Variants in CTTNBP2NL observed in about 807,000 individuals in gnomAD.
CTTNBP2NL encodes the protein CTTNBP2 N-terminal like.
A neutral mutation model predicts 32.5 loss-of-function variants in CTTNBP2NL; 16 were observed. That is an observed-to-expected ratio of 0.49 (90% confidence interval 0.33 to 0.75). The LOEUF (loss-of-function observed/expected upper bound fraction) is 0.75. Ranked by LOEUF, CTTNBP2NL falls within the 30% of genes least tolerant of loss-of-function variation. CTTNBP2NL has a pLI of 0.02. For missense variants in CTTNBP2NL, 645 were observed against 756.0 expected, an observed-to-expected ratio of 0.85 and a Z score of 1.72; for synonymous variants, 298 against 289.4, an observed-to-expected ratio of 1.03 and a Z score of -0.30.
intron 3 of CTTNBP2NL, among the ~76,000 whole-genome samples, chr1:112,428,695 A>G (rs1649474625): frequency 6.6e-6 from 1 of 152,158 alleles, no homozygotes; most frequent in Non-Finnish European, 1.5e-5. Context: ...ACTAAAACCA[A>G]AATTTCACTA....
At chr1:112,391,567 C>CT (rs1343247726), upstream of CTTNBP2NL, among the ~76,000 whole-genome samples, 2 of 152,282 alleles carry the variant, frequency 1.3e-5, no homozygotes, top group East Asian at 3.9e-4. Flanking sequence ...ACCACCTGGT[C>CT]TTGTAGACAG....
intron 3 of CTTNBP2NL, among the ~76,000 whole-genome samples, chr1:112,446,197 GAAA>G (rs71723384): frequency 2.0e-4 from 29 of 144,580 alleles, no homozygotes; most frequent in Non-Finnish European, 2.3e-4. Context: ...TAAAAAAGTG[GAAA>G]AAAAAAAAAA....
At position 112,457,379 on chromosome 1, in the gene CTTNBP2NL, G is replaced by A; in HGVS notation, c.1887G>A (p.Lys629=). Residue 629 remains lysine, a synonymous_variant, in exon 6 of 6, where the codon AAG becomes AAA. Transcript: ENST00000271277. Reference sequence around the variant, plus strand: ...CCAATACTGTTGTAGCAAATGGTAAGGATGTTGAGTTACTTTTGCCTACCA... The same window carrying A: ...CCAATACTGTTGTAGCAAATGGTAAAGATGTTGAGTTACTTTTGCCTACCA... The part of the protein sequence containing the change: ...CSSNTVVANG[K]DVELLLPTSS The A allele has an allele frequency of 1.9e-6, 3 of 1,613,448 alleles. No individual in the cohort carries two copies. Among genetic ancestry groups the A allele is most frequent in the Non-Finnish European group, 2.5e-6 (3 of 1,179,614 alleles).
Position 112,457,604 on chromosome 1 carries a change from C to A in CTTNBP2NL, c.*192C>A, listed in dbSNP as rs1650410615. 1.8e-6 allele frequency: 1 copy of A among 546,042 alleles called. No individual in the cohort carries two copies. Among genetic ancestry groups the A allele is most frequent in the South Asian group, 3.1e-5 (1 of 32,430 alleles). The allele number at this position is 546,042 out of a possible 1,614,324, so 33.8% of individuals were successfully genotyped here. The stretch of plus-strand genomic sequence containing the variant: ...TAGTTTGGATTTTTATGGCTCACAT[C>A]TTTTTACTGAAGCCAGAAAGGCACC... On this transcript the variant is annotated 3_prime_UTR_variant, in exon 6 of 6. Transcript: ENST00000271277.
At position 112,456,864 on chromosome 1, in the gene CTTNBP2NL, C is replaced by T. The variant is rs140783690; in HGVS notation, c.1372C>T (p.Arg458Trp). Residue 458 changes from arginine (R) to tryptophan (W), a missense_variant, in exon 6 of 6, where the codon CGG (arginine) becomes TGG (tryptophan). Coordinates refer to ENST00000271277, the MANE Select transcript of CTTNBP2NL (RefSeq NM_018704.3). Reference sequence around the variant, plus strand: ...ATCGTACCAAGTAGGGATCAACCAACGGTTCCATGCAGCTCGCCACAAATT... The same window carrying T: ...ATCGTACCAAGTAGGGATCAACCAATGGTTCCATGCAGCTCGCCACAAATT... Reference protein sequence around the residue: ...QSSYQVGINQRFHAARHKFQS... With the variant: ...QSSYQVGINQWFHAARHKFQS... The T allele has an allele frequency of 2.0e-5, 32 of 1,614,142 alleles. No homozygotes were observed. The highest frequency in any genetic ancestry group is 1.6e-4 in the Middle Eastern group (1 of 6,062).
chr1:112,416,811 T>G (rs116277576), intron 3 of CTTNBP2NL, among the ~76,000 whole-genome samples: 3 of 152,112 alleles, frequency 2.0e-5, no homozygotes, highest in Non-Finnish European at 2.9e-5. Context: ...TCTTTTAGTT[T>G]AGTGGCCCTT....
At chr1:112,437,206 A>C (rs991441782) in intron 3 of CTTNBP2NL, among the ~76,000 whole-genome samples, 1 of 152,188 alleles carries the variant, frequency 6.6e-6, no homozygotes, top group Non-Finnish European at 1.5e-5. Context: ...GAATTGCCAG[A>C]CTACTTTCCA....
intron 3 of CTTNBP2NL, among the ~76,000 whole-genome samples, chr1:112,445,420 A>T (rs186491275): frequency 6.5e-4 from 99 of 152,248 alleles, no homozygotes; most frequent in African/African-American, 2.3e-3. Flanking sequence ...TAAACCTGTA[A>T]TCCATATAGT....
At position 112,456,242 on chromosome 1, in the gene CTTNBP2NL, A is replaced by C. The variant is rs1354372222; in HGVS notation, c.750A>C (p.Arg250Ser). The change falls in exon 6 of 6, where the codon AGA becomes AGC. Residue 250 changes from arginine (R) to serine (S), a missense_variant. Coordinates refer to ENST00000271277, the MANE Select transcript of CTTNBP2NL (RefSeq NM_018704.3). ...SEFDIEREQL[R>S]AKLNREENRT... ...TTGACATCGAAAGGGAACAACTGAGAGCAAAACTGAACCGAGAAGAGAACC... is the reference window on the plus strand; with the variant it reads ...TTGACATCGAAAGGGAACAACTGAGCGCAAAACTGAACCGAGAAGAGAACC... 2 of 1,614,176 alleles carry C rather than the reference A, an allele frequency of 1.2e-6. No individual in the cohort carries two copies. Among genetic ancestry groups the C allele is most frequent in the African/African-American group, 2.7e-5 (2 of 75,048 alleles).
chr1:112,415,564 T>TG (rs1649029265), intron 2 of CTTNBP2NL, among the ~76,000 whole-genome samples: 1 of 49,608 alleles, frequency 2.0e-5, no homozygotes, highest in African/African-American at 1.5e-4. Flanking sequence ...TTTTTTTGGT[T>TG]TTTTTTTTTT....
At chr1:112,430,272 C>G (rs921579224) in intron 3 of CTTNBP2NL, among the ~76,000 whole-genome samples, 3 of 151,644 alleles carry the variant, frequency 2.0e-5, no homozygotes, top group African/African-American at 4.9e-5. Context: ...GTCGCCCATG[C>G]TGGAGTGCAG....
chr1:112,425,379 G>A (rs1055393445), intron 3 of CTTNBP2NL, among the ~76,000 whole-genome samples: 43 of 152,098 alleles, frequency 2.8e-4, no homozygotes, highest in Admixed American at 2.8e-3. Context: ...GCTGAGATAG[G>A]AGAATCACTT....
rs753371294 is a variant in CTTNBP2NL, at chr1:112,456,251, G to A, written c.759G>A (p.Leu253=). ...AAAGGGAACAACTGAGAGCAAAACT[G>A]AACCGAGAAGAGAACCGGACCAAAA... ...DIEREQLRAK[L]NREENRTKTL... The change falls in exon 6 of 6, where the codon CTG becomes CTA. Residue 253 remains leucine, a synonymous_variant. Transcript: ENST00000271277. 13 of 1,614,144 alleles carry A rather than the reference G, an allele frequency of 8.1e-6. No homozygotes were observed. Among genetic ancestry groups the A allele is most frequent in the South Asian group, 1.1e-5 (1 of 91,076 alleles).
chr1:112,394,784 A>G (rs1000635695), upstream of CTTNBP2NL, among the ~76,000 whole-genome samples: 3 of 152,224 alleles, frequency 2.0e-5, no homozygotes, highest in Non-Finnish European at 4.4e-5. Context: ...AGAATATGGC[A>G]TAAGTATGGA....
Position 112,459,434 on chromosome 1 carries a change from T to TA in CTTNBP2NL, c.*2024dup, listed in dbSNP as rs1650479716. The TA allele has an allele frequency of 6.6e-6, 1 of 152,256 alleles. No individual in the cohort carries two copies. The highest frequency in any genetic ancestry group is 2.1e-4 in the South Asian group (1 of 4,830). 9.4% of individuals were successfully genotyped at this position (152,256 alleles called of 1,614,324 possible). A position where few individuals can be genotyped will look rare whatever the true frequency, so the allele number is the denominator to read the frequency against. ...ATCCAGCAGCCCTGACCTCCTGCTA[T>TA]AATTTAAGTCTATTTCCTTTTAATC... On this transcript the variant is annotated 3_prime_UTR_variant, in exon 6 of 6. Transcript: ENST00000271277.
chr1:112,446,093 GT>G (rs928117005), intron 3 of CTTNBP2NL, among the ~76,000 whole-genome samples: 1 of 151,974 alleles, frequency 6.6e-6, no homozygotes, highest in African/African-American at 2.4e-5. Flanking sequence ...AATAAGAAAT[GT>G]GACAGTTAGA....
At chr1:112,450,591 T>C (rs530314004) in intron 4 of CTTNBP2NL, among the ~76,000 whole-genome samples, 3 of 152,316 alleles carry the variant, frequency 2.0e-5, no homozygotes, top group African/African-American at 7.2e-5. Context: ...TGAGTTGTGT[T>C]GAAGCTAGTT....
rs1344068463 is a variant in CTTNBP2NL, at chr1:112,459,091, G to A, written c.*1679G>A. ...TTCTCATTTTTAAATATCAAGAAGT[G>A]ATTTTAAAATGTTTAAATGGTGCTG... On this transcript the variant is annotated 3_prime_UTR_variant, in exon 6 of 6. Coordinates refer to ENST00000271277, the MANE Select transcript of CTTNBP2NL (RefSeq NM_018704.3). 10 of 152,326 alleles carry A rather than the reference G, an allele frequency of 6.6e-5. No homozygotes were observed. The South Asian group carries it at 1.9e-3, about 28-fold the overall frequency. 9.4% of individuals were successfully genotyped at this position (152,326 alleles called of 1,614,324 possible). A position where few individuals can be genotyped will look rare whatever the true frequency, so the allele number is the denominator to read the frequency against.
rs1442122914 is a variant in CTTNBP2NL at position 112,456,841 on chromosome 1, C to T, written c.1349C>T (p.Ser450Leu). ...GCTAGCAGCCCTGGCTACCAGTCAT[C>T]GTACCAAGTAGGGATCAACCAACGG... ...SSASSPGYQSSYQVGINQRFH... is the reference protein window; with the variant it reads ...SSASSPGYQSLYQVGINQRFH... Residue 450 changes from serine to leucine, a missense_variant, in exon 6 of 6, where the codon TCG becomes TTG. Ser to Leu is a moderately radical substitution (Grantham distance 145, BLOSUM62 -2). Coordinates refer to ENST00000271277, the MANE Select transcript of CTTNBP2NL (RefSeq NM_018704.3). 2.5e-6 allele frequency: 4 copies of T among 1,613,980 alleles called. No homozygotes were observed. Among genetic ancestry groups the T allele is most frequent in the Middle Eastern group, 1.6e-4 (1 of 6,084 alleles).
Sources: allele counts gnomAD v4.1 joint callset (sites outside exome capture counted in the v4.1 genomes callset), GRCh38; gene constraint gnomAD v4.1.1; transcripts MANE v1.5; gene names NCBI Gene and HGNC (gene_info 2026-07-23, HGNC 2026-07-21).